Variants in DLG2 observed in about 807,000 individuals in gnomAD.
The protein encoded by DLG2 is discs large MAGUK scaffold protein 2, also known as disks large homolog 2.
DLG2 carries 45 observed loss-of-function variants against 132.5 expected under a neutral mutation model. That is an observed-to-expected ratio of 0.34 (90% CI 0.27 to 0.44). The LOEUF (loss-of-function observed/expected upper bound fraction) is 0.44. Ranked by LOEUF, DLG2 falls within the 20% of genes least tolerant of loss-of-function variation. The probability of loss-of-function intolerance (pLI) is 1.00; values close to 1 mark genes in which losing one functional copy is unlikely to be tolerated. For missense variants in DLG2, 1,045 were observed against 1,196.9 expected (o/e 0.87, Z 1.87); for synonymous variants, 424 against 419.6 (o/e 1.01, Z -0.13).
At chr11:85,494,763 G>C (rs207060) in intron 3 of DLG2, among the ~76,000 whole-genome samples, 126,016 of 151,902 alleles carry the variant, frequency 0.83, 52,926 homozygotes, top group Non-Finnish European at 0.91. Flanking sequence ...AAGTTAAGAC[G>C]AAATATGAAA....
At chr11:84,244,479 T>C (rs1035031139) in intron 8 of DLG2, among the ~76,000 whole-genome samples, 1 of 152,146 alleles carries the variant, frequency 6.6e-6, no homozygotes, top group African/African-American at 2.4e-5. Context: ...AGCCCACCTC[T>C]TGCTTATAAA....
At chr11:84,696,478 G>A (rs2058626684) in intron 6 of DLG2, among the ~76,000 whole-genome samples, 1 of 151,452 alleles carries the variant, frequency 6.6e-6, no homozygotes, top group South Asian at 2.1e-4. Flanking sequence ...TTGATAGAGT[G>A]TTTAGAGGAT....
chr11:83,810,207 G>A (rs542262940), intron 17 of DLG2, among the ~76,000 whole-genome samples: 15 of 152,122 alleles, frequency 9.9e-5, no homozygotes, highest in Middle Eastern at 3.4e-3. Context: ...GAATGGGTGT[G>A]ATTTTCAACC....
chr11:84,505,689 T>C (rs1405230549), intron 7 of DLG2, among the ~76,000 whole-genome samples: 4 of 152,044 alleles, frequency 2.6e-5, no homozygotes, highest in African/African-American at 7.2e-5. Flanking sequence ...TGGTAATCAT[T>C]ATTACCATTA....
Position 83,459,802 on chromosome 11 carries a change from A to C in DLG2, c.*16T>G. The C allele has an allele frequency of 7.3e-7, 1 of 1,378,650 alleles. No homozygotes were observed. The highest frequency in any genetic ancestry group is 1.0e-6 in the Non-Finnish European group (1 of 965,562). 85.4% of individuals were successfully genotyped at this position (1,378,650 alleles called of 1,614,324 possible). ...CTAAATGCTCTTCTGTCGTTGTCAG[A>C]GGCGCAGTAGCTAATTTATAACTTT... On this transcript the variant is annotated 3_prime_UTR_variant, in exon 28 of 28. Coordinates refer to ENST00000376104, the MANE Select transcript of DLG2 (RefSeq NM_001142699.3).
intron 3 of DLG2, among the ~76,000 whole-genome samples, chr11:85,461,895 C>A (rs188628005): frequency 1.1e-4 from 16 of 152,154 alleles, no homozygotes; most frequent in Admixed American, 6.5e-4. Flanking sequence ...AATTTTGCAA[C>A]CTGCTCATCT....
chr11:84,855,750 T>C (rs919657318), intron 6 of DLG2, among the ~76,000 whole-genome samples: 1 of 152,062 alleles, frequency 6.6e-6, no homozygotes, highest in Non-Finnish European at 1.5e-5. Flanking sequence ...TGAGTGACTG[T>C]TCTGAATAAA....
chr11:83,706,347 A>C (rs192485130), intron 18 of DLG2, among the ~76,000 whole-genome samples: 253 of 152,230 alleles, frequency 1.7e-3, no homozygotes, highest in Middle Eastern at 6.8e-3. Context: ...GTGCCTAGAC[A>C]TGGTACTGGA....
In DLG2 at chr11:84,730,539, T is replaced by G. The variant is rs747178996; in HGVS notation, c.358-195808A>C. On this transcript the variant is annotated intron_variant, in intron 6 of 27. Transcript: ENST00000376104. ...CTATTTTTATATTGTGTTGCCCATC[T>G]GTGAAACAAAGGCAAATTGATCATT... Among the ~76,000 whole-genome samples the G allele has an allele frequency of 1.8e-4, 28 of 152,080 alleles. 1 individual carries two copies. The highest frequency in any genetic ancestry group is 3.1e-4 in the Non-Finnish European group (21 of 67,962).
intron 8 of DLG2, among the ~76,000 whole-genome samples, chr11:84,194,881 C>T (rs1011647365): frequency 2.0e-5 from 3 of 152,292 alleles, no homozygotes; most frequent in South Asian, 4.1e-4. Flanking sequence ...CGCTGGCCAG[C>T]TGCTCCAAGC....
At chr11:84,981,182 C>T (rs1341546460) in intron 6 of DLG2, among the ~76,000 whole-genome samples, 3 of 151,946 alleles carry the variant, frequency 2.0e-5, no homozygotes, top group African/African-American at 7.3e-5. Flanking sequence ...TGAAAATGAA[C>T]TAAACTAAGA....
chr11:83,765,135 C>T (rs1180280610), intron 18 of DLG2, among the ~76,000 whole-genome samples: 1 of 152,178 alleles, frequency 6.6e-6, no homozygotes, highest in Non-Finnish European at 1.5e-5. Flanking sequence ...TTTGTCCTGG[C>T]ATTGTAAAAT....
intron 11 of DLG2, among the ~76,000 whole-genome samples, chr11:84,004,719 C>A (rs1373228416): frequency 6.6e-6 from 1 of 151,624 alleles, no homozygotes; most frequent in Non-Finnish European, 1.5e-5. Flanking sequence ...CAGATTTAAC[C>A]AAGAAAGGGA....
intron 19 of DLG2, among the ~76,000 whole-genome samples, chr11:83,616,828 G>C (rs373810022): frequency 1.1e-4 from 16 of 152,220 alleles, no homozygotes; most frequent in African/African-American, 3.9e-4. Flanking sequence ...TGTGTATAGT[G>C]TGAGGTTGGG....
chr11:85,491,221 TC>T (rs1440386165), intron 3 of DLG2, among the ~76,000 whole-genome samples: 3 of 152,074 alleles, frequency 2.0e-5, no homozygotes, highest in Non-Finnish European at 4.4e-5. Context: ...AAATTCAGCA[TC>T]CTTTCATGAT....
At chr11:85,281,853 C>T (rs2078247257) in intron 4 of DLG2, among the ~76,000 whole-genome samples, 1 of 151,906 alleles carries the variant, frequency 6.6e-6, no homozygotes, top group Admixed American at 6.6e-5. Context: ...AATTCCACTG[C>T]TGGGTATATA....
chr11:85,578,951 A>G (rs1174126724), intron 3 of DLG2, among the ~76,000 whole-genome samples: 1 of 152,206 alleles, frequency 6.6e-6, no homozygotes, highest in Non-Finnish European at 1.5e-5. Context: ...TTGTAACACT[A>G]TTCACAATAG....
chr11:84,483,160 C>T (rs976852310), intron 7 of DLG2, among the ~76,000 whole-genome samples: 22 of 152,102 alleles, frequency 1.4e-4, no homozygotes, highest in Non-Finnish European at 2.4e-4. Context: ...TGCCTGGGCA[C>T]GGTGGCTCAC....
intron 18 of DLG2, among the ~76,000 whole-genome samples, chr11:83,734,934 A>T (rs943856840): frequency 6.6e-6 from 1 of 151,982 alleles, no homozygotes; most frequent in Non-Finnish European, 1.5e-5. Flanking sequence ...TTTGTCGTAC[A>T]CCACACACAA....
Sources: gnomAD v4.1 joint callset for allele counts (sites outside exome capture counted in the v4.1 genomes callset) on GRCh38, gnomAD v4.1.1 for gene constraint, MANE v1.5 for transcripts, NCBI Gene and HGNC (gene_info 2026-07-23, HGNC 2026-07-21) for gene names.